Variants in SMOC2 observed in about 807,000 individuals in gnomAD.
SMOC2 encodes the protein SPARC related modular calcium binding 2.
A neutral mutation model predicts 61.4 loss-of-function variants in SMOC2; 39 were observed. The ratio of observed to expected loss-of-function variants is 0.64; its 90% CI spans 0.49 to 0.83. SMOC2 has a LOEUF of 0.83. Among genes scored for constraint, SMOC2 ranks in the 40% least tolerant of loss-of-function variants. SMOC2 has a pLI of 0.00. For synonymous variants in SMOC2, 247 were observed against 239.9 expected, an observed-to-expected ratio of 1.03 and a Z score of -0.27; for missense variants, 556 against 592.9, an observed-to-expected ratio of 0.94 and a Z score of 0.65.
At chr6:168,543,793 G>A (rs1447889507) in intron 5 of SMOC2, 121 bp downstream of exon 5, 11 of 894,260 alleles carry the variant, frequency 1.2e-5, no homozygotes, top group Non-Finnish European at 1.9e-5. Flanking sequence ...GAACCAGTTT[G>A]TTACTTCTGC....
Position 168,535,171 on chromosome 6 carries a change from C to T in SMOC2, c.463+7444C>T, listed in dbSNP as rs1400134911. On this transcript the variant is annotated intron_variant, in intron 4 of 12. Transcript: ENST00000356284. This position sits in a 1 kb window ranked among gnomAD's most constrained non-coding sequence, Gnocchi z 4.6. ...ATTTTTAGTAGAAACGGGGTTTCAC[C>T]GTGTTAGCCTGGATGGTCTCAATCT... 6.6e-6 allele frequency among the ~76,000 whole-genome samples: 1 copy of T among 151,916 alleles called. No homozygotes were observed. Among genetic ancestry groups the T allele is most frequent in the Admixed American group, 6.6e-5 (1 of 15,240 alleles).
At position 168,441,311 on chromosome 6, in the gene SMOC2, C is replaced by T. The variant is rs1583019181; in HGVS notation, c.-60C>T. On this transcript the variant is annotated 5_prime_UTR_variant, in exon 1 of 13. Coordinates refer to ENST00000356284, the MANE Select transcript of SMOC2 (RefSeq NM_001166412.2). Reference sequence around the variant, plus strand: ...GCCGCGCTCGCCCACTGGGCTCTCCCGGCTGCAGTGCCAGGGCGCAGGACG... The same window carrying T: ...GCCGCGCTCGCCCACTGGGCTCTCCTGGCTGCAGTGCCAGGGCGCAGGACG... The T allele has an allele frequency of 3.4e-6, 5 of 1,476,736 alleles. No homozygotes were observed. Among genetic ancestry groups the T allele is most frequent in the East Asian group, 3.0e-5 (1 of 33,478 alleles). 91.5% of individuals were successfully genotyped at this position (1,476,736 alleles called of 1,614,324 possible).
chr6:168,598,953 G>T lies in SMOC2; in HGVS notation c.773G>T (p.Cys258Phe). 1 of 1,613,394 alleles carries T rather than the reference G, an allele frequency of 6.2e-7. No homozygotes were observed. The highest frequency in any genetic ancestry group is 1.3e-5 in the African/African-American group (1 of 74,946). The change falls in exon 8 of 13, where the codon TGC (cysteine) becomes TTC (phenylalanine). Residue 258 changes from cysteine (C) to phenylalanine (F), a missense_variant. By Grantham distance (205) the Cys-to-Phe change is radical. Transcript: ENST00000356284. The stretch of plus-strand genomic sequence containing the variant: ...CAGTGCCACCCCTCCACGGGGTACT[G>T]CTGGTGCGTCCTGGTGGACACGGGG... ...PVQCHPSTGY[C>F]WCVLVDTGRP...
chr6:168,642,992 T>C (rs918842058), intron 9 of SMOC2, among the ~76,000 whole-genome samples: 1 of 152,210 alleles, frequency 6.6e-6, no homozygotes, highest in Non-Finnish European at 1.5e-5. Context: ...GCATCAAAGC[T>C]GTGTTCCACA....
intron 12 of SMOC2, 146 bp from the exon 13 acceptor site, chr6:168,666,275 A>T (rs1787659408): frequency 2.8e-6 from 2 of 719,812 alleles, no homozygotes; most frequent in East Asian, 5.5e-5. Flanking sequence ...AAATGTCTTC[A>T]TTGTTTCTTA....
Position 168,598,989 on chromosome 6 carries a change from C to T in SMOC2, c.809C>T (p.Pro270Leu). ...CVLVDTGRPI[P>L]GTSTRYEQPK... Reference sequence around the variant, plus strand: ...CTGGTGGACACGGGGCGCCCCATTCCCGGCACATCCACAAGGTAAATAGGG... The same window carrying T: ...CTGGTGGACACGGGGCGCCCCATTCTCGGCACATCCACAAGGTAAATAGGG... Residue 270 changes from proline (P) to leucine (L), a missense_variant, in exon 8 of 13, where the codon CCC becomes CTC. Physicochemically the swap from Pro to Leu is moderately conservative, Grantham distance 98. Transcript: ENST00000356284. The T allele has an allele frequency of 1.2e-6, 2 of 1,606,108 alleles. No homozygotes were observed. The highest frequency in any genetic ancestry group is 1.7e-6 in the Non-Finnish European group (2 of 1,176,050).
intron 2 of SMOC2, among the ~76,000 whole-genome samples, chr6:168,511,160 G>A (rs1782998260): frequency 6.6e-6 from 1 of 152,192 alleles, no homozygotes; most frequent in Non-Finnish European, 1.5e-5. Context: ...CTAAGTGTGT[G>A]TAAGTACACT....
At chr6:168,559,684 C>T (rs1372365530) in intron 7 of SMOC2, among the ~76,000 whole-genome samples, 1 of 152,036 alleles carries the variant, frequency 6.6e-6, no homozygotes, top group Non-Finnish European at 1.5e-5. Context: ...GGTGCACCCA[C>T]CAACGGCGTT....
At chr6:168,455,881 A>G (rs1781570857) in intron 1 of SMOC2, among the ~76,000 whole-genome samples, 1 of 152,250 alleles carries the variant, frequency 6.6e-6, no homozygotes, top group African/African-American at 2.4e-5. Flanking sequence ...TCTCAACAGC[A>G]TTAGAGGACT....
intron 11 of SMOC2, 140 bp downstream of exon 11, chr6:168,653,368 G>A (rs576192466): frequency 1.0e-4 from 104 of 992,702 alleles, no homozygotes; most frequent in East Asian, 6.2e-4. Context: ...ATTGTTGGGC[G>A]TCTGTTTGCA....
At chr6:168,447,059 G>A (rs1781347541) in intron 1 of SMOC2, among the ~76,000 whole-genome samples, 1 of 151,986 alleles carries the variant, frequency 6.6e-6, no homozygotes, top group East Asian at 1.9e-4. Flanking sequence ...CTTCTTCCCC[G>A]TGGTCATCTA....
At chr6:168,556,764 C>T (rs555390485) in intron 7 of SMOC2, among the ~76,000 whole-genome samples, 221 of 121,694 alleles carry the variant, frequency 1.8e-3, no homozygotes, top group Non-Finnish European at 2.6e-3. Flanking sequence ...CACAACAGGC[C>T]CCGCTGTGTG....
chr6:168,538,319 TG>T (rs1446045325), intron 4 of SMOC2, among the ~76,000 whole-genome samples: 8 of 74,986 alleles, frequency 1.1e-4, no homozygotes, highest in African/African-American at 4.1e-4. Context: ...TGCTGGAATG[TG>T]GGGGAGTGGG....
At chr6:168,599,913 TCACA>T (rs1305019590) in intron 8 of SMOC2, among the ~76,000 whole-genome samples, 2 of 126,344 alleles carry the variant, frequency 1.6e-5, no homozygotes, top group Non-Finnish European at 3.3e-5. Context: ...ACTCCCACAC[TCACA>T]CACTCCCCTC....
intron 9 of SMOC2, among the ~76,000 whole-genome samples, chr6:168,631,359 T>C (rs1184736123): frequency 2.0e-5 from 3 of 152,196 alleles, no homozygotes; most frequent in African/African-American, 7.2e-5. Context: ...CATTTGGCAG[T>C]GTGCTGGGTT....
intron 1 of SMOC2, among the ~76,000 whole-genome samples, chr6:168,492,925 G>T (rs577736288): frequency 2.0e-5 from 3 of 152,210 alleles, no homozygotes; most frequent in African/African-American, 7.2e-5. Context: ...ACTGCATGAC[G>T]TCGTAAGGCT....
At chr6:168,487,454 C>T (rs1009237916) in intron 1 of SMOC2, among the ~76,000 whole-genome samples, 2 of 152,172 alleles carry the variant, frequency 1.3e-5, no homozygotes, top group African/African-American at 2.4e-5. Flanking sequence ...TCTCATGCAC[C>T]GAAAATTATC....
In SMOC2 at chr6:168,453,583, GCTCT is replaced by G. The variant is rs376229623; in HGVS notation, c.84+12136_84+12139del. ...CTGATTCTCTCAGTCTCTGCCATTT[GCTCT>G]CTCTCTTTCTGTCTGTCTCTGTTTC... On this transcript the variant is annotated intron_variant, in intron 1 of 12. Coordinates refer to ENST00000356284, the MANE Select transcript of SMOC2 (RefSeq NM_001166412.2). This position sits in a 1 kb window ranked among gnomAD's most constrained non-coding sequence, Gnocchi z 4.4. 4.0e-4 allele frequency among the ~76,000 whole-genome samples: 60 copies of G among 149,652 alleles called. No homozygotes were observed. The highest frequency in any genetic ancestry group is 1.3e-3 in the African/African-American group (51 of 40,582).
In SMOC2 at chr6:168,549,168, T is replaced by G. The variant is rs762621822; in HGVS notation, c.602T>G (p.Val201Gly). 3.5e-5 allele frequency: 57 copies of G among 1,614,074 alleles called. No individual in the cohort carries two copies. In the South Asian group the frequency reaches 6.0e-4, roughly 17 times the overall value. Residue 201 changes from valine (V) to glycine (G), a missense_variant, in exon 7 of 13, where the codon GTT becomes GGT. Physicochemically the swap from Val to Gly is moderately radical, Grantham distance 109 (BLOSUM62 -3). Transcript: ENST00000356284. ...SRYPTLWTEQ[V>G]KSRQNKTNKN... ...TACCCTACCCTTTGGACTGAACAGG[T>G]TAAAAGTCGGCAGAACAAAACCAAT...
Sources: gnomAD v4.1 joint callset for allele counts (sites outside exome capture counted in the v4.1 genomes callset) on GRCh38, gnomAD v4.1.1 for gene constraint, Gnocchi (gnomAD v3.1) non-coding constraint, MANE v1.5 for transcripts, NCBI Gene and HGNC (gene_info 2026-07-23, HGNC 2026-07-21) for gene names.